EXOC6B: variants seen among roughly 807,000 people sequenced by gnomAD.
The protein encoded by EXOC6B is exocyst complex component 6B.
Under a neutral mutation model 113.5 loss-of-function variants are expected in EXOC6B, and 54 were observed. The observed-to-expected ratio is 0.48, with a 90% CI of 0.38 to 0.60. The LOEUF (loss-of-function observed/expected upper bound fraction) is 0.60. EXOC6B is among the 20% of genes least tolerant of loss of function. The pLI is 0.00. For missense variants in EXOC6B, 797 were observed against 977.5 expected (o/e 0.82, Z 2.46); for synonymous variants, 357 against 339.0 (o/e 1.05, Z -0.58).
chr2:72,207,255 G>A (rs145016359), intron 20 of EXOC6B, among the ~76,000 whole-genome samples: 178 of 152,244 alleles, frequency 1.2e-3, no homozygotes, highest in Non-Finnish European at 1.8e-3. Flanking sequence ...ATGTCTTGAT[G>A]AAAATACTTG....
intron 20 of EXOC6B, among the ~76,000 whole-genome samples, chr2:72,223,225 T>TA (rs67079466): frequency 0.13 from 19,490 of 152,118 alleles, 1,532 homozygotes; most frequent in Non-Finnish European, 0.17. Flanking sequence ...ACTCAGAAAA[T>TA]ACAGTGGAAA....
chr2:72,540,177 T>C (rs1347428674), intron 8 of EXOC6B, among the ~76,000 whole-genome samples: 2 of 152,086 alleles, frequency 1.3e-5, no homozygotes, highest in African/African-American at 4.8e-5. Flanking sequence ...TGCCAACTTT[T>C]CTTAATCCAG....
At position 72,622,461 on chromosome 2, in the gene EXOC6B, C is replaced by A. The variant is rs536662270; in HGVS notation, c.670-46793G>T. Among the ~76,000 whole-genome samples, 3 of 152,260 alleles carry A rather than the reference C, an allele frequency of 2.0e-5. No homozygotes were observed. The South Asian group carries it at 6.2e-4, about 32-fold the overall frequency. ...GGGCACGGTGGCTCACGACTATAAT[C>A]CCAGCACTTTGGAAGGTCAAGGAGG... is the stretch of plus-strand genomic sequence containing the variant. On this transcript the variant is annotated intron_variant, in intron 6 of 21. Coordinates refer to ENST00000272427, the MANE Select transcript of EXOC6B (RefSeq NM_015189.3).
At chr2:72,484,431 G>A (rs1699299876) in intron 16 of EXOC6B, among the ~76,000 whole-genome samples, 1 of 151,708 alleles carries the variant, frequency 6.6e-6, no homozygotes, top group South Asian at 2.1e-4. Context: ...GCTGGGCATG[G>A]TGGAGGGCGC....
intron 18 of EXOC6B, among the ~76,000 whole-genome samples, chr2:72,449,079 CT>C (rs1696757605): frequency 6.6e-6 from 1 of 152,188 alleles, no homozygotes; most frequent in African/African-American, 2.4e-5. Flanking sequence ...TATTATAAAG[CT>C]TTTGGAAATC....
At chr2:72,601,071 A>C (rs1251427747) in intron 6 of EXOC6B, among the ~76,000 whole-genome samples, 1 of 151,882 alleles carries the variant, frequency 6.6e-6, no homozygotes, top group Admixed American at 6.6e-5. Flanking sequence ...TAAAATAACA[A>C]GTAGACACCA....
intron 2 of EXOC6B, among the ~76,000 whole-genome samples, chr2:72,734,613 C>T (rs966775389): frequency 2.6e-5 from 4 of 152,076 alleles, no homozygotes; most frequent in African/African-American, 9.7e-5. Flanking sequence ...GGCTGTGTTC[C>T]GATAAAACTT....
intron 6 of EXOC6B, among the ~76,000 whole-genome samples, chr2:72,640,902 A>C (rs779234930): frequency 5.2e-4 from 79 of 152,232 alleles, no homozygotes; most frequent in Non-Finnish European, 9.7e-4. Flanking sequence ...CAAAGATTTC[A>C]ACTCAAGGAG....
intron 20 of EXOC6B, among the ~76,000 whole-genome samples, chr2:72,279,053 A>AG: frequency 6.6e-6 from 1 of 152,212 alleles, no homozygotes; most frequent in Non-Finnish European, 1.5e-5. Flanking sequence ...AAAAGGCAGA[A>AG]TCAGAGCCAT....
chr2:72,588,300 T>C (rs1705714785), intron 6 of EXOC6B, among the ~76,000 whole-genome samples: 1 of 151,964 alleles, frequency 6.6e-6, no homozygotes, highest in African/African-American at 2.4e-5. Flanking sequence ...AAAGGATGAA[T>C]GGATAAAGAA....
At chr2:72,783,865 T>A (rs1176215610) in intron 1 of EXOC6B, among the ~76,000 whole-genome samples, 1 of 152,234 alleles carries the variant, frequency 6.6e-6, no homozygotes, top group Non-Finnish European at 1.5e-5. Flanking sequence ...CCCATTTGTC[T>A]ATTTTTTGTT....
chr2:72,515,471 T>C (rs1374413357), intron 8 of EXOC6B: 1 of 1,063,070 alleles, frequency 9.4e-7, no homozygotes, highest in East Asian at 8.0e-5. Context: ...AAGAAAATGC[T>C]CCTTAAAAAA....
At chr2:72,783,325 T>C (rs1432489501) in intron 1 of EXOC6B, among the ~76,000 whole-genome samples, 2 of 133,020 alleles carry the variant, frequency 1.5e-5, no homozygotes, top group East Asian at 2.1e-4. Context: ...TTTCTTTTTT[T>C]TTTTTTTTTT....
At chr2:72,811,274 G>A (rs1044022661) in intron 1 of EXOC6B, among the ~76,000 whole-genome samples, 2 of 152,098 alleles carry the variant, frequency 1.3e-5, no homozygotes, top group African/African-American at 2.4e-5. Flanking sequence ...TCGTGCCACT[G>A]CACTCCAGCT....
intron 20 of EXOC6B, among the ~76,000 whole-genome samples, chr2:72,218,078 C>T (rs186680160): frequency 6.6e-6 from 1 of 152,212 alleles, no homozygotes; most frequent in Admixed American, 6.5e-5. Flanking sequence ...AAGGAGAACC[C>T]ATGCTATTAG....
At chr2:72,365,371 C>T (rs1258608085) in intron 19 of EXOC6B, among the ~76,000 whole-genome samples, 1 of 151,944 alleles carries the variant, frequency 6.6e-6, no homozygotes, top group African/African-American at 2.4e-5. Context: ...GAAAACTGTA[C>T]AAGGAGTCTG....
At chr2:72,604,839 T>C (rs1670650012) in intron 6 of EXOC6B, among the ~76,000 whole-genome samples, 1 of 152,256 alleles carries the variant, frequency 6.6e-6, no homozygotes, top group African/African-American at 2.4e-5. Context: ...ACACAAATTA[T>C]TTCTTCCCCA....
chr2:72,662,440 AAAC>A (rs1443424459), intron 6 of EXOC6B, among the ~76,000 whole-genome samples: 1 of 152,222 alleles, frequency 6.6e-6, no homozygotes, highest in Non-Finnish European at 1.5e-5. Flanking sequence ...CAGAATACAT[AAAC>A]AACTCCCACA....
chr2:72,311,356 T>C (rs1180403758), intron 20 of EXOC6B, among the ~76,000 whole-genome samples: 1 of 152,166 alleles, frequency 6.6e-6, no homozygotes, highest in African/African-American at 2.4e-5. Flanking sequence ...CCCATTTCCT[T>C]GCAGGCTGCC....
Sources: gnomAD v4.1 joint callset for allele counts (sites outside exome capture counted in the v4.1 genomes callset) on GRCh38, gnomAD v4.1.1 for gene constraint, MANE v1.5 for transcripts, NCBI Gene and HGNC (gene_info 2026-07-23, HGNC 2026-07-21) for gene names.